Variants in MCPH1 observed in about 807,000 individuals in gnomAD.
The protein encoded by MCPH1 is microcephalin.
A neutral mutation model predicts 84.5 loss-of-function variants in MCPH1; 104 were observed. The ratio of observed to expected loss-of-function variants is 1.23; its 90% CI spans 1.05 to 1.45. The LOEUF (loss-of-function observed/expected upper bound fraction) is 1.45. Among genes scored for constraint, MCPH1 ranks in the 40% most tolerant of loss-of-function variants. The pLI is 0.00. For missense variants in MCPH1, 1,498 were observed against 1,005.7 expected, an observed-to-expected ratio of 1.49 and a Z score of -6.62; for synonymous variants, 514 against 366.8, an observed-to-expected ratio of 1.40 and a Z score of -4.58.
At chr8:6,604,018 C>A (rs1251870626) in intron 12 of MCPH1, among the ~76,000 whole-genome samples, 1 of 135,508 alleles carries the variant, frequency 7.4e-6, no homozygotes. Context: ...TTTTTTTTAA[C>A]CTGTCTGTGA....
chr8:6,428,124 T>C (rs1801332536), intron 3 of MCPH1, among the ~76,000 whole-genome samples: 1 of 152,224 alleles, frequency 6.6e-6, no homozygotes, highest in African/African-American at 2.4e-5. Flanking sequence ...ATAGCTTTTT[T>C]ACATGATAAA....
At chr8:6,485,198 G>A (rs896861154) in intron 11 of MCPH1, among the ~76,000 whole-genome samples, 1 of 151,974 alleles carries the variant, frequency 6.6e-6, no homozygotes, top group Non-Finnish European at 1.5e-5. Flanking sequence ...GGTGGCAGGT[G>A]CCTATAATCC....
chr8:6,491,971 T>C (rs184561038), intron 11 of MCPH1, among the ~76,000 whole-genome samples: 122 of 152,354 alleles, frequency 8.0e-4, no homozygotes, highest in Middle Eastern at 3.4e-3. Flanking sequence ...GCATGATTTA[T>C]AGTCCTTTGG....
intron 13 of MCPH1, among the ~76,000 whole-genome samples, chr8:6,635,623 T>G (rs139920236): frequency 1.3e-4 from 20 of 152,208 alleles, no homozygotes; most frequent in African/African-American, 4.8e-4. Flanking sequence ...GTAAATATTT[T>G]GTACATGAAA....
intron 2 of MCPH1, among the ~76,000 whole-genome samples, chr8:6,412,333 G>A (rs1289868613): frequency 1.3e-5 from 2 of 152,226 alleles, no homozygotes; most frequent in Non-Finnish European, 2.9e-5. Flanking sequence ...GAGTTGACAA[G>A]GTGGTTTGAG....
At chr8:6,525,732 T>C (rs1245942258) in intron 12 of MCPH1, among the ~76,000 whole-genome samples, 1 of 152,204 alleles carries the variant, frequency 6.6e-6, no homozygotes, top group Non-Finnish European at 1.5e-5. Context: ...CACTATTTTC[T>C]TTTTTTATTA....
chr8:6,482,683 T>C (rs1231064525), intron 11 of MCPH1, among the ~76,000 whole-genome samples: 1 of 152,224 alleles, frequency 6.6e-6, no homozygotes, highest in Admixed American at 6.5e-5. Context: ...AGAGACCTGC[T>C]CCCTGGTTGT....
chr8:6,503,044 A>G, intron 12 of MCPH1: 2 of 1,600,620 alleles, frequency 1.2e-6, no homozygotes, highest in Non-Finnish European at 8.5e-7. Context: ...CTTTCAGTGC[A>G]CTGGGCTTAA....
intron 11 of MCPH1, chr8:6,494,153 G>C (rs1810978007): frequency 6.6e-6 from 1 of 152,014 alleles, no homozygotes; most frequent in African/African-American, 2.4e-5. Flanking sequence ...TGTCCAGGCT[G>C]GTCTCAAACT....
At chr8:6,427,027 T>C (rs951462906) in intron 3 of MCPH1, among the ~76,000 whole-genome samples, 1 of 152,240 alleles carries the variant, frequency 6.6e-6, no homozygotes, top group African/African-American at 2.4e-5. Context: ...ACATAGCTAC[T>C]GCACACCTAG....
chr8:6,468,495 A>G (rs1216557988), intron 9 of MCPH1, among the ~76,000 whole-genome samples: 5 of 152,216 alleles, frequency 3.3e-5, no homozygotes, highest in Non-Finnish European at 7.3e-5. Flanking sequence ...ACAAGGAGCA[A>G]GGAGCTAGGT....
intron 11 of MCPH1, among the ~76,000 whole-genome samples, chr8:6,498,910 G>A (rs1226119586): frequency 6.6e-6 from 1 of 152,054 alleles, no homozygotes; most frequent in African/African-American, 2.4e-5. Flanking sequence ...AAATTAGCCA[G>A]GTGTGGTGGT....
At chr8:6,464,364 T>C (rs1806615825) in intron 9 of MCPH1, among the ~76,000 whole-genome samples, 2 of 152,230 alleles carry the variant, frequency 1.3e-5, no homozygotes, top group Non-Finnish European at 2.9e-5. Flanking sequence ...TAACAGTTGC[T>C]TTCAGCCCCC....
At position 6,444,998 on chromosome 8, in the gene MCPH1, T is replaced by G; in HGVS notation, c.1276T>G (p.Ser426Ala). The change falls in exon 8 of 14, where the codon TCA (serine) becomes GCA (alanine). Residue 426 changes from serine to alanine, a missense_variant. By Grantham distance (99) the Ser-to-Ala change is moderately conservative (BLOSUM62 1). Transcript: ENST00000344683. ...ACCTGATAATCTTAAGGAAAGGTAT[T>G]CAGAGAATCTTCCTCCTGAATCTCA... ...FSPDNLKERY[S>A]ENLPPESQLP... is the part of the protein sequence containing the mutation. 6.2e-7 allele frequency: 1 copy of G among 1,614,212 alleles called. No homozygotes were observed. The highest frequency in any genetic ancestry group is 8.5e-7 in the Non-Finnish European group (1 of 1,180,038).
At chr8:6,484,785 G>A (rs527277317) in intron 11 of MCPH1, among the ~76,000 whole-genome samples, 1 of 152,300 alleles carries the variant, frequency 6.6e-6, no homozygotes, top group Admixed American at 6.5e-5. Flanking sequence ...TGCTGTATAA[G>A]GCCATTTCTT....
Position 6,445,137 on chromosome 8 carries a change from A to G in MCPH1, c.1415A>G (p.Asp472Gly). The G allele has an allele frequency of 6.2e-7, 1 of 1,614,270 alleles. No homozygotes were observed. The highest frequency in any genetic ancestry group is 8.5e-7 in the Non-Finnish European group (1 of 1,180,052). ...SCVGKKTRTV[D>G]ITNFTAKTIS... Reference sequence around the variant, plus strand: ...GTTGGCAAAAAAACCAGAACAGTTGACATTACCAATTTCACAGCAAAAACC... The same window carrying G: ...GTTGGCAAAAAAACCAGAACAGTTGGCATTACCAATTTCACAGCAAAAACC... Residue 472 changes from aspartate to glycine, a missense_variant, in exon 8 of 14, where the codon GAC (aspartate) becomes GGC (glycine). Physicochemically the swap from Asp to Gly is moderately conservative, Grantham distance 94. Transcript: ENST00000344683.
Position 6,592,545 on chromosome 8 carries a change from C to G in MCPH1, c.2215-28909C>G, listed in dbSNP as rs891013155. ...CTCTCCAATTCCATTCTTCCTCTCT[C>G]TCTAAAAGTAACTGCTGTCCTGAAT... On this transcript the variant is annotated intron_variant, in intron 12 of 13. Coordinates refer to ENST00000344683, the MANE Select transcript of MCPH1 (RefSeq NM_024596.5). 2.8e-4 allele frequency among the ~76,000 whole-genome samples: 43 copies of G among 151,514 alleles called. 1 individual carries two copies. The highest frequency in any genetic ancestry group is 9.0e-4 in the African/African-American group (37 of 41,314).
At chr8:6,583,660 T>A (rs1290522319) in intron 12 of MCPH1, among the ~76,000 whole-genome samples, 1 of 152,166 alleles carries the variant, frequency 6.6e-6, no homozygotes, top group African/African-American at 2.4e-5. Context: ...GCAAGGTGAT[T>A]GCAAATGAGG....
intron 12 of MCPH1, among the ~76,000 whole-genome samples, chr8:6,517,360 C>A (rs1816462118): frequency 1.3e-5 from 2 of 152,268 alleles, no homozygotes; most frequent in Admixed American, 6.5e-5. Flanking sequence ...AAATAGCAAA[C>A]CATAGAGACA....
Sources: allele counts gnomAD v4.1 joint callset (sites outside exome capture counted in the v4.1 genomes callset), GRCh38; gene constraint gnomAD v4.1.1; transcripts MANE v1.5; gene names NCBI Gene and HGNC (gene_info 2026-07-23, HGNC 2026-07-21).